The following INPP4B variants were observed in gnomAD, a reference collection of about 807,000 sequenced individuals.
INPP4B encodes inositol polyphosphate-4-phosphatase type II B, also known as inositol polyphosphate 4-phosphatase type II.
In INPP4B, 55 loss-of-function variants were observed where a neutral mutation model predicts 122.5. That is an observed-to-expected ratio of 0.45 (90% confidence interval 0.36 to 0.56). INPP4B has a LOEUF of 0.56. INPP4B is among the 20% of genes least tolerant of loss of function. The probability of loss-of-function intolerance (pLI) is 0.00; values close to 1 mark genes in which losing one functional copy is unlikely to be tolerated. For missense variants in INPP4B, 1,000 were observed against 1,097.7 expected, an observed-to-expected ratio of 0.91 and a Z score of 1.26; for synonymous variants, 403 against 388.7, an observed-to-expected ratio of 1.04 and a Z score of -0.43.
chr4:142,285,037 G>A (rs1337516266), intron 9 of INPP4B, among the ~76,000 whole-genome samples: 1 of 152,110 alleles, frequency 6.6e-6, no homozygotes, highest in Non-Finnish European at 1.5e-5. Context: ...GGGAGGGGCT[G>A]TGTAGGACAG....
chr4:142,597,667 C>T (rs1259820061), intron 2 of INPP4B, among the ~76,000 whole-genome samples: 1 of 152,138 alleles, frequency 6.6e-6, no homozygotes, highest in African/African-American at 2.4e-5. Context: ...AGCTTAATGA[C>T]TATCATAAGT....
In INPP4B at chr4:142,068,284, G is replaced by C. The variant is rs144108596; in HGVS notation, c.2642+13747C>G. Reference sequence around the variant, plus strand: ...TACTTTACAGACAAAACAATGCTGAGAGATTTTGTCACCACCAGGCCTGCC... The same window carrying C: ...TACTTTACAGACAAAACAATGCTGACAGATTTTGTCACCACCAGGCCTGCC... On this transcript the variant is annotated intron_variant, in intron 25 of 25. Transcript: ENST00000262992. 7.1e-3 allele frequency among the ~76,000 whole-genome samples: 1,075 copies of C among 152,246 alleles called. 14 individuals carry two copies. Among genetic ancestry groups the C allele is most frequent in the African/African-American group, 0.025 (1,026 of 41,528 alleles).
At chr4:142,684,313 A>C (rs147632047) in intron 2 of INPP4B, among the ~76,000 whole-genome samples, 1 of 152,082 alleles carries the variant, frequency 6.6e-6, no homozygotes, top group African/African-American at 2.4e-5. Context: ...CGCTCCCAAA[A>C]GGGATTGCAT....
intron 1 of INPP4B, among the ~76,000 whole-genome samples, chr4:142,819,172 C>T (rs1213974995): frequency 2.0e-5 from 3 of 152,074 alleles, no homozygotes; most frequent in Non-Finnish European, 2.9e-5. Flanking sequence ...GAACTGAGGA[C>T]GCAGTATATA....
chr4:142,506,884 A>C (rs1824098271), intron 2 of INPP4B, among the ~76,000 whole-genome samples: 1 of 152,228 alleles, frequency 6.6e-6, no homozygotes, highest in Non-Finnish European at 1.5e-5. Context: ...GGGGCAGAGA[A>C]GGGAGATCCA....
chr4:142,228,576 T>C (rs576091948), intron 12 of INPP4B, among the ~76,000 whole-genome samples: 1 of 152,138 alleles, frequency 6.6e-6, no homozygotes, highest in South Asian at 2.1e-4. Context: ...ATGCACTAAA[T>C]GACATCTACT....
At chr4:142,446,689 C>T (rs1011520631) in intron 3 of INPP4B, among the ~76,000 whole-genome samples, 3 of 152,084 alleles carry the variant, frequency 2.0e-5, no homozygotes, top group Admixed American at 1.3e-4. Context: ...AGGAGCTCTT[C>T]ATTTTATGAA....
intron 2 of INPP4B, among the ~76,000 whole-genome samples, chr4:142,516,501 C>A (rs1406926482): frequency 6.6e-6 from 1 of 152,084 alleles, no homozygotes; most frequent in East Asian, 1.9e-4. Flanking sequence ...GAGTAAGTCA[C>A]CAGCCCAAAG....
chr4:142,042,576 A>AT (rs1748681891), intron 25 of INPP4B, among the ~76,000 whole-genome samples: 1 of 133,586 alleles, frequency 7.5e-6, no homozygotes, highest in African/African-American at 2.7e-5. Context: ...TTATTTATTT[A>AT]TTTTTAGACA....
At chr4:142,822,460 A>G (rs1780903168) in intron 1 of INPP4B, among the ~76,000 whole-genome samples, 1 of 152,080 alleles carries the variant, frequency 6.6e-6, no homozygotes, top group South Asian at 2.1e-4. Flanking sequence ...TTACCACCTG[A>G]GCTCTGCCTC....
intron 2 of INPP4B, among the ~76,000 whole-genome samples, chr4:142,697,711 T>C (rs983376844): frequency 6.6e-6 from 1 of 152,182 alleles, no homozygotes; most frequent in South Asian, 2.1e-4. Flanking sequence ...AATGCAGCCA[T>C]GGAAATTTCC....
Position 142,359,190 on chromosome 4 carries a change from C to T in INPP4B, c.372+43748G>A, listed in dbSNP as rs536640633. On this transcript the variant is annotated intron_variant, in intron 7 of 25. Transcript: ENST00000262992. ...TTCTTTCTTCCCTTTCTTTAAAAGA[C>T]TGTAAAGAACACTGGCAAAAAACAA... is the stretch of plus-strand genomic sequence containing the variant. 3.2e-4 allele frequency among the ~76,000 whole-genome samples: 48 copies of T among 151,378 alleles called. 2 individuals carry two copies. The South Asian group carries it at 9.8e-3, about 31-fold the overall frequency.
intron 21 of INPP4B, among the ~76,000 whole-genome samples, chr4:142,116,847 C>T (rs767661478): frequency 6.6e-6 from 1 of 151,946 alleles, no homozygotes; most frequent in African/African-American, 2.4e-5. Flanking sequence ...CACAAAAAAC[C>T]GTTCAAAAAA....
chr4:142,505,559 C>T (rs1253176583), intron 2 of INPP4B, among the ~76,000 whole-genome samples: 1 of 106,226 alleles, frequency 9.4e-6, no homozygotes, highest in African/African-American at 3.3e-5. Flanking sequence ...AAATAAAATG[C>T]AACAATGTAA....
chr4:142,734,651 T>C (rs1387506573), intron 1 of INPP4B, among the ~76,000 whole-genome samples: 1 of 152,170 alleles, frequency 6.6e-6, no homozygotes, highest in Non-Finnish European at 1.5e-5. Context: ...TGTTTGTTTG[T>C]TTGTTTGTTT....
chr4:142,690,699 C>A (rs191398240), intron 2 of INPP4B, among the ~76,000 whole-genome samples: 3 of 152,230 alleles, frequency 2.0e-5, no homozygotes, highest in Admixed American at 6.6e-5. Flanking sequence ...TGCAAGAGAA[C>A]CTCCCCTGGC....
chr4:142,305,955 G>A lies in INPP4B; in HGVS notation c.424-418C>T, dbSNP rs1763192529. 1.7e-5 allele frequency: 17 copies of A among 1,006,854 alleles called. No individual in the cohort carries two copies. In the South Asian group the frequency reaches 6.7e-4, roughly 40 times the overall value. The allele number at this position is 1,006,854 out of a possible 1,614,324, so 62.4% of individuals were successfully genotyped here. ...TTGTATTCCAGATATGAGCAAATCTGTTAGTTGGAGCTATTTTTATGTGGG... is the reference window on the plus strand; with the variant it reads ...TTGTATTCCAGATATGAGCAAATCTATTAGTTGGAGCTATTTTTATGTGGG... On this transcript the variant is annotated intron_variant, in intron 8 of 25. Transcript: ENST00000262992.
chr4:142,552,457 GTTAC>G (rs1213248570), intron 2 of INPP4B, among the ~76,000 whole-genome samples: 2 of 151,588 alleles, frequency 1.3e-5, no homozygotes, highest in Admixed American at 6.6e-5. Flanking sequence ...AGAAGAAGAA[GTTAC>G]TTACTGGGAC....
At chr4:142,152,296 C>T (rs908767399) in intron 17 of INPP4B, among the ~76,000 whole-genome samples, 3 of 151,850 alleles carry the variant, frequency 2.0e-5, no homozygotes, top group South Asian at 2.1e-4. Flanking sequence ...AGGATGGTCT[C>T]GATCTCCTGA....
Sources: allele counts gnomAD v4.1 joint callset (sites outside exome capture counted in the v4.1 genomes callset), GRCh38; gene constraint gnomAD v4.1.1; transcripts MANE v1.5; gene names NCBI Gene and HGNC (gene_info 2026-07-23, HGNC 2026-07-21).